Variants in MOV10 observed in about 807,000 individuals in gnomAD.
MOV10 encodes Mov10 RNA helicase.
Under a neutral mutation model 108.4 loss-of-function variants are expected in MOV10, and 39 were observed. The ratio of observed to expected loss-of-function variants is 0.36; its 90% CI spans 0.28 to 0.47. The LOEUF is 0.47. Among genes scored for constraint, MOV10 ranks in the 20% least tolerant of loss-of-function variants. The probability of loss-of-function intolerance (pLI) is 1.00; values close to 1 mark genes in which losing one functional copy is unlikely to be tolerated. For synonymous variants in MOV10, 490 were observed against 523.1 expected (o/e 0.94, Z 0.86); for missense variants, 952 against 1,297.6 (o/e 0.73, Z 4.09).
chr1:112,675,176 C>A lies in MOV10; in HGVS notation c.137+127C>A. On this transcript the variant is annotated intron_variant, in intron 2 of 20. Transcript: ENST00000369645. The surrounding 1 kb of genome is among the most constrained non-coding windows in gnomAD (Gnocchi z 4.7). ...AGCTCCCCCAGCGGCTCAGGCCAGT[C>A]CCGGGGCGGCGCAGACCTCCCCTCC... The A allele has an allele frequency of 9.0e-7, 1 of 1,110,212 alleles. No individual in the cohort carries two copies. Among genetic ancestry groups the A allele is most frequent in the Non-Finnish European group, 1.2e-6 (1 of 816,962 alleles). The allele number at this position is 1,110,212 out of a possible 1,614,324, so 68.8% of individuals were successfully genotyped here. A position where few individuals can be genotyped will look rare whatever the true frequency, so the allele number is the denominator to read the frequency against.
In MOV10 at chr1:112,694,420, CA is replaced by C; in HGVS notation, c.1296-31del. On this transcript the variant is annotated intron_variant, in intron 8 of 20. Transcript: ENST00000369645. This position sits in a 1 kb window ranked among gnomAD's most constrained non-coding sequence, Gnocchi z 4.1. ...CCTTTATTGCCCACCTCCCCTGCCC[CA>C]ACAAACTCTTACCACCTCTCTCTGC... is the stretch of plus-strand genomic sequence containing the variant. 6.2e-7 allele frequency: 1 copy of C among 1,613,158 alleles called. No homozygotes were observed. Among genetic ancestry groups the C allele is most frequent in the Non-Finnish European group, 8.5e-7 (1 of 1,179,804 alleles).
Position 112,700,545 on chromosome 1 carries a change from T to G in MOV10, c.*38T>G. The G allele has an allele frequency of 6.2e-7, 1 of 1,608,422 alleles. No homozygotes were observed. The highest frequency in any genetic ancestry group is 8.5e-7 in the Non-Finnish European group (1 of 1,177,044). On this transcript the variant is annotated 3_prime_UTR_variant, in exon 21 of 21. Coordinates refer to ENST00000369645, the MANE Select transcript of MOV10 (RefSeq NM_001321324.2). ...CAGCCTTCTCGCACCAGCCAAGCCT[T>G]AACTGCCTGCCTGACCCTGAACCAG...
intron 2 of MOV10, among the ~76,000 whole-genome samples, chr1:112,679,360 A>G (rs926139196): frequency 6.6e-6 from 1 of 152,132 alleles, no homozygotes; most frequent in Non-Finnish European, 1.5e-5. Flanking sequence ...CTTTTTCTCT[A>G]AAATGGGATG....
chr1:112,699,252 T>C, intron 17 of MOV10: 1 of 229,412 alleles, frequency 4.4e-6, no homozygotes, highest in Non-Finnish European at 8.5e-6. Context: ...TTTTTACAGC[T>C]TCTCAGGTGA....
At position 112,694,841 on chromosome 1, in the gene MOV10, T is replaced by C. The variant is rs1673923755; in HGVS notation, c.1565T>C (p.Ile522Thr). ...ACCACCCGTCCAGCCCCCTACATCA[T>C]CTTTGGGCCTCCAGGCACCGGCAAG... ...TGTTRPAPYI[I>T]FGPPGTGKTV... The change falls in exon 10 of 21, where the codon ATC becomes ACC. Residue 522 changes from isoleucine (I) to threonine (T), a missense_variant. Coordinates refer to ENST00000369645, the MANE Select transcript of MOV10 (RefSeq NM_001321324.2). The surrounding 1 kb of genome is among the most constrained non-coding windows in gnomAD (Gnocchi z 4.1). 6.2e-7 allele frequency: 1 copy of C among 1,614,082 alleles called. No individual in the cohort carries two copies. The highest frequency in any genetic ancestry group is 8.5e-7 in the Non-Finnish European group (1 of 1,180,010).
chr1:112,699,057 C>T (rs1040013257), intron 17 of MOV10: 84 of 456,518 alleles, frequency 1.8e-4, no homozygotes, highest in Middle Eastern at 5.8e-4. Flanking sequence ...AGGATAAAGT[C>T]CAAATTCCGT....
intron 2 of MOV10, among the ~76,000 whole-genome samples, chr1:112,683,665 T>C (rs1672840434): frequency 6.6e-6 from 1 of 152,310 alleles, no homozygotes; most frequent in Middle Eastern, 3.4e-3. Flanking sequence ...TTACCAGTGT[T>C]TCGTATTGTG....
chr1:112,699,232 G>A, intron 17 of MOV10: 1 of 225,676 alleles, frequency 4.4e-6, no homozygotes, highest in Non-Finnish European at 8.7e-6. Context: ...CAGAGCCAGG[G>A]CACTGGTAGT....
In MOV10 at chr1:112,694,359, G is replaced by A. The variant is rs955053713; in HGVS notation, c.1296-94G>A. 6 of 1,521,976 alleles carry A rather than the reference G, an allele frequency of 3.9e-6. No homozygotes were observed. Among genetic ancestry groups the A allele is most frequent in the Non-Finnish European group, 9.0e-7 (1 of 1,107,306 alleles). The allele number at this position is 1,521,976 out of a possible 1,614,324, so 94.3% of individuals were successfully genotyped here. A position where few individuals can be genotyped will look rare whatever the true frequency, so the allele number is the denominator to read the frequency against. On this transcript the variant is annotated intron_variant, in intron 8 of 20. Transcript: ENST00000369645. The surrounding 1 kb of genome is among the most constrained non-coding windows in gnomAD (Gnocchi z 4.1). ...AACTTGCATAGAGGTCTTGGAAAGA[G>A]GGGTTGGGACACTGGTTGGTGGAGA...
chr1:112,676,364 T>A (rs781258966), intron 2 of MOV10, among the ~76,000 whole-genome samples: 3 of 152,168 alleles, frequency 2.0e-5, no homozygotes, highest in Non-Finnish European at 4.4e-5. Context: ...TATCAACACT[T>A]AAGGTATGTG....
rs1178960804 is a variant in MOV10, at chr1:112,675,036, G to A, written c.124G>A (p.Asp42Asn). The A allele has an allele frequency of 1.3e-6, 2 of 1,594,330 alleles. No homozygotes were observed. The highest frequency in any genetic ancestry group is 2.4e-5 in the East Asian group (1 of 41,732). ...RERLRTIYNR[D>N]FKISFGTPAP... ...GCGGCTGCGGACCATTTATAACCGC[G>A]ACTTCAAGATCAGGTACGGGCCGGC... is the stretch of plus-strand genomic sequence containing the variant. The change falls in exon 2 of 21, where the codon GAC (aspartate) becomes AAC (asparagine). Residue 42 changes from aspartate to asparagine, a missense_variant. Physicochemically the swap from Asp to Asn is conservative, Grantham distance 23 (BLOSUM62 1). Coordinates refer to ENST00000369645, the MANE Select transcript of MOV10 (RefSeq NM_001321324.2). The surrounding 1 kb of genome is among the most constrained non-coding windows in gnomAD (Gnocchi z 4.7).
chr1:112,698,429 C>T lies in MOV10; in HGVS notation c.2459C>T (p.Ala820Val). 1.9e-6 allele frequency: 3 copies of T among 1,614,198 alleles called. No homozygotes were observed. The highest frequency in any genetic ancestry group is 4.5e-5 in the East Asian group (2 of 44,886). Residue 820 changes from alanine to valine, a missense_variant, in exon 16 of 21, where the codon GCT becomes GTT. Coordinates refer to ENST00000369645, the MANE Select transcript of MOV10 (RefSeq NM_001321324.2). ...GCCCCCTCCTCCAAGAAGGGCAAAG[C>T]TCGCCTGAGCCCTCGAAGTGTGGGC... The part of the protein sequence containing the change: ...LLAPSSKKGK[A>V]RLSPRSVGVI...
chr1:112,681,207 T>A (rs961807431), intron 2 of MOV10, among the ~76,000 whole-genome samples: 1 of 151,874 alleles, frequency 6.6e-6, no homozygotes, highest in African/African-American at 2.4e-5. Flanking sequence ...AAGAATCATG[T>A]TTGGCCGGGC....
rs1356309549 is a variant in MOV10, at chr1:112,700,433, T to G, written c.2938T>G (p.Tyr980Asp). The change falls in exon 21 of 21, where the codon TAC becomes GAC. Residue 980 changes from tyrosine (Y) to aspartate (D), a missense_variant. Physicochemically the swap from Tyr to Asp is radical, Grantham distance 160. Around this residue, in one of 5 missense-constraint regions of MOV10, gnomAD observed 42 missense variants for 36.5 expected, o/e 1.15. Coordinates refer to ENST00000369645, the MANE Select transcript of MOV10 (RefSeq NM_001321324.2). ...CTTTCCAGGGCCCCACAGCCATGAC[T>G]ACCTCCCCCAGGAGCGGGAGGGTGA... is the stretch of plus-strand genomic sequence containing the variant. ...PSTSGPHSHD[Y>D]LPQEREGEGG... The G allele has an allele frequency of 6.2e-7, 1 of 1,613,700 alleles. No individual in the cohort carries two copies. The highest frequency in any genetic ancestry group is 1.7e-5 in the Admixed American group (1 of 59,988).
In MOV10 at chr1:112,698,079, C is replaced by T. The variant is rs1184419449; in HGVS notation, c.2284C>T (p.Arg762Cys). Reference protein sequence around the residue: ...QACADVVDRERFCRWAGLPRQ... With the variant: ...QACADVVDRECFCRWAGLPRQ... The stretch of plus-strand genomic sequence containing the variant: ...CTGTGCTGATGTCGTGGATCGAGAA[C>T]GCTTCTGCCGCTGGGCGGGCCTACC... Residue 762 changes from arginine to cysteine, a missense_variant, in exon 15 of 21, where the codon CGC (arginine) becomes TGC (cysteine). By Grantham distance (180) the Arg-to-Cys change is radical (BLOSUM62 -3). Around this residue, in one of 5 missense-constraint regions of MOV10, gnomAD observed 453 missense variants for 611.5 expected, o/e 0.74. Transcript: ENST00000369645. The T allele has an allele frequency of 9.9e-6, 16 of 1,614,028 alleles. No homozygotes were observed. Among genetic ancestry groups the T allele is most frequent in the Non-Finnish European group, 1.3e-5 (15 of 1,180,030 alleles).
At position 112,694,273 on chromosome 1, in the gene MOV10, A is replaced by G; in HGVS notation, c.1295+101A>G. On this transcript the variant is annotated intron_variant, in intron 8 of 20. Transcript: ENST00000369645. The surrounding 1 kb of genome is among the most constrained non-coding windows in gnomAD (Gnocchi z 4.1). ...CCTGAGATAAATGAGACCCCGGGGC[A>G]GAGCAGGAGACTTTTCCTCAGGGGT... 1.3e-6 allele frequency: 2 copies of G among 1,497,908 alleles called. No individual in the cohort carries two copies. 92.8% of individuals were successfully genotyped at this position (1,497,908 alleles called of 1,614,324 possible).
chr1:112,694,955 G>C lies in MOV10; in HGVS notation c.1620+59G>C. 1 of 1,546,650 alleles carries C rather than the reference G, an allele frequency of 6.5e-7. No homozygotes were observed. Among genetic ancestry groups the C allele is most frequent in the Non-Finnish European group, 8.8e-7 (1 of 1,140,716 alleles). Reference sequence around the variant, plus strand: ...CTGATTCCCCCAGCACCAAGCAGTTGTCCCCAGATTCTAGTTCCTTCCCAC... The same window carrying C: ...CTGATTCCCCCAGCACCAAGCAGTTCTCCCCAGATTCTAGTTCCTTCCCAC... On this transcript the variant is annotated intron_variant, in intron 10 of 20. Transcript: ENST00000369645. This position sits in a 1 kb window ranked among gnomAD's most constrained non-coding sequence, Gnocchi z 4.1.
chr1:112,694,752 G>A lies in MOV10; in HGVS notation c.1476G>A (p.Leu492=), dbSNP rs974955698. 19 of 1,613,898 alleles carry A rather than the reference G, an allele frequency of 1.2e-5. No individual in the cohort carries two copies. The highest frequency in any genetic ancestry group is 1.6e-5 in the Non-Finnish European group (19 of 1,179,910). The part of the protein sequence containing the change: ...PLLPSDVKLK[L]YDRSLESNPE... ...ACATTCCTGGTCCCTCTGCCAGGCTGTACGACCGGAGTCTGGAGTCAAACC... is the reference window on the plus strand; with the variant it reads ...ACATTCCTGGTCCCTCTGCCAGGCTATACGACCGGAGTCTGGAGTCAAACC... The change falls in exon 10 of 21, where the codon CTG becomes CTA. Residue 492 remains leucine, a synonymous_variant. Transcript: ENST00000369645. The surrounding 1 kb of genome is among the most constrained non-coding windows in gnomAD (Gnocchi z 4.1).
chr1:112,686,828 G>T, intron 2 of MOV10: 1 of 425,090 alleles, frequency 2.4e-6, no homozygotes, highest in Non-Finnish European at 4.8e-6. Context: ...CCAAATTTCT[G>T]CTAATTTTAC....
Sources: allele counts gnomAD v4.1 joint callset (sites outside exome capture counted in the v4.1 genomes callset), GRCh38; gene constraint gnomAD v4.1.1; regional missense constraint gnomAD v4.1.1; non-coding constraint Gnocchi (gnomAD v3.1); transcripts MANE v1.5; gene names NCBI Gene and HGNC (gene_info 2026-07-23, HGNC 2026-07-21).